Variants in ZNF561 observed in about 807,000 individuals in gnomAD.
ZNF561 encodes zinc finger protein 561.
In ZNF561, 16 loss-of-function variants were observed where a neutral mutation model predicts 16.7. The ratio of observed to expected loss-of-function variants is 0.96; its 90% CI spans 0.65 to 1.45. The LOEUF (loss-of-function observed/expected upper bound fraction) is 1.45, where lower values mean the gene tolerates loss of function less well. ZNF561 is among the 40% of genes most tolerant of loss of function. ZNF561 has a pLI of 0.00. For synonymous variants in ZNF561, 190 were observed against 192.1 expected, an observed-to-expected ratio of 0.99 and a Z score of 0.09; for missense variants, 580 against 578.0, an observed-to-expected ratio of 1.00 and a Z score of -0.04.
intron 1 of ZNF561, among the ~76,000 whole-genome samples, chr19:9,620,442 TCTCAAACTCCTGGG>T (rs2074650251): frequency 1.3e-5 from 2 of 152,112 alleles, no homozygotes; most frequent in South Asian, 4.1e-4. Flanking sequence ...CCTAGGCTAG[TCTCAAACTCCTGGG>T]CTCAAACAAT....
At chr19:9,619,863 T>TA (rs1216984980) in intron 1 of ZNF561, among the ~76,000 whole-genome samples, 1 of 23,648 alleles carries the variant, frequency 4.2e-5, no homozygotes, top group African/African-American at 7.3e-5. Context: ...CTATCTATAT[T>TA]TATCTATCTA....
At chr19:9,615,974 A>C (rs79095179) in intron 4 of ZNF561, among the ~76,000 whole-genome samples, 19,141 of 152,178 alleles carry the variant, frequency 0.13, 1,446 homozygotes, top group Admixed American at 0.23. Flanking sequence ...GATCTCAAAC[A>C]TGATAGTATA....
chr19:9,618,673 C>T (rs2074603136), intron 2 of ZNF561, among the ~76,000 whole-genome samples: 1 of 151,958 alleles, frequency 6.6e-6, no homozygotes, highest in African/African-American at 2.4e-5. Flanking sequence ...TTGCAGTGAG[C>T]CGAGATCGTG....
Position 9,610,944 on chromosome 19 carries a change from GTGTGAAGAAGC to G in ZNF561, c.706_716del (p.Ala236ProfsTer17). The stretch of plus-strand genomic sequence containing the variant: ...TATGAACTGCTACACACTGCTTTAG[GTGTGAAGAAGC>G]TGTGACAGCTCTCCCATATTCCTGA... On this transcript the variant is annotated frameshift_variant, in exon 6 of 6. Coordinates refer to ENST00000302851, the MANE Select transcript of ZNF561 (RefSeq NM_152289.3). LOFTEE classifies it low-confidence loss of function (END_TRUNC). 1 of 1,614,094 alleles carries G rather than the reference GTGTGAAGAAGC, an allele frequency of 6.2e-7. No homozygotes were observed. The highest frequency in any genetic ancestry group is 8.5e-7 in the Non-Finnish European group (1 of 1,180,022).
intron 1 of ZNF561, among the ~76,000 whole-genome samples, chr19:9,620,234 T>C (rs1474819020): frequency 6.6e-6 from 1 of 152,124 alleles, no homozygotes; most frequent in African/African-American, 2.4e-5. Context: ...GGATTTCAGG[T>C]ATGCACTACC....
chr19:9,619,514 A>C lies in ZNF561; in HGVS notation c.-58T>G, dbSNP rs752112130. 12 of 1,597,152 alleles carry C rather than the reference A, an allele frequency of 7.5e-6. No individual in the cohort carries two copies. Among genetic ancestry groups the C allele is most frequent in the South Asian group, 6.6e-5 (6 of 90,438 alleles). On this transcript the variant is annotated 5_prime_UTR_variant, in exon 2 of 6. Transcript: ENST00000302851. ...CCTTCCTTGATGCCAAGATCACCTCAGGCCAGCTTATGAATCTAGGTGGAT... is the reference window on the plus strand; with the variant it reads ...CCTTCCTTGATGCCAAGATCACCTCCGGCCAGCTTATGAATCTAGGTGGAT...
chr19:9,613,436 C>T lies in ZNF561; in HGVS notation c.324+585G>A, dbSNP rs544495944. ...TTTAGTAGAGATAAGAGTTTCATTA[C>T]ATTGGCCAGGCTGGTCTCGAAGTGC... On this transcript the variant is annotated intron_variant, in intron 5 of 5. Coordinates refer to ENST00000302851, the MANE Select transcript of ZNF561 (RefSeq NM_152289.3). Among the ~76,000 whole-genome samples the T allele has an allele frequency of 3.9e-5, 6 of 151,916 alleles. No individual in the cohort carries two copies. The South Asian group carries it at 1.0e-3, about 26-fold the overall frequency.
At chr19:9,619,877 C>CTACCTATCTATA (rs1555692352) in intron 1 of ZNF561, among the ~76,000 whole-genome samples, 1 of 148,766 alleles carries the variant, frequency 6.7e-6, no homozygotes, top group Non-Finnish European at 1.5e-5. Flanking sequence ...CTATCTATAT[C>CTACCTATCTATA]TATCTATCTA....
rs143389719 is a variant in ZNF561 at position 9,612,107 on chromosome 19, T to C, written c.325-771A>G. On this transcript the variant is annotated intron_variant, in intron 5 of 5. Transcript: ENST00000302851. ...CATGCCTGGCTAATTTTTGTAGTTT[T>C]AGTAGAGACAGGGTTTCACCATGTT... 1.9e-3 allele frequency among the ~76,000 whole-genome samples: 294 copies of C among 152,182 alleles called. 3 individuals carry two copies. Among genetic ancestry groups the C allele is most frequent in the Admixed American group, 6.3e-3 (96 of 15,302 alleles).
chr19:9,617,750 T>C lies in ZNF561; in HGVS notation c.114+341A>G, dbSNP rs750646581. On this transcript the variant is annotated intron_variant, in intron 3 of 5. Transcript: ENST00000302851. ...CTATGCAGCACACTCCTCAGCACAC[T>C]GCAGATACCTGATAAATGCTGATAA... 8.7e-5 allele frequency: 40 copies of C among 459,678 alleles called. No homozygotes were observed. The Admixed American group carries it at 9.1e-4, about 11-fold the overall frequency. The allele number at this position is 459,678 out of a possible 1,614,324, so 28.5% of individuals were successfully genotyped here. A position where few individuals can be genotyped will look rare whatever the true frequency, so the allele number is the denominator to read the frequency against.
At chr19:9,612,749 C>T (rs2074483863) in intron 5 of ZNF561, among the ~76,000 whole-genome samples, 1 of 152,178 alleles carries the variant, frequency 6.6e-6, no homozygotes, top group South Asian at 2.1e-4. Flanking sequence ...GAATTCTACG[C>T]CACTGGCTCT....
rs10417098 is a variant in ZNF561 at position 9,607,596 on chromosome 19, G to T, written c.*2604C>A. On this transcript the variant is annotated 3_prime_UTR_variant, in exon 6 of 6. Transcript: ENST00000302851. The stretch of plus-strand genomic sequence containing the variant: ...CAGCCAAGCCAATAAAATAGAGCAC[G>T]TATCTCAGCAGAACTGCAGACAATT... 1.3e-5 allele frequency: 2 copies of T among 152,074 alleles called. No individual in the cohort carries two copies. The highest frequency in any genetic ancestry group is 4.8e-5 in the African/African-American group (2 of 41,410). The allele number at this position is 152,074 out of a possible 1,614,324, so 9.4% of individuals were successfully genotyped here.
At chr19:9,618,311 A>C (rs1328942390) in intron 2 of ZNF561, 132 bp from the exon 3 acceptor site, 1 of 903,894 alleles carries the variant, frequency 1.1e-6, no homozygotes, top group Non-Finnish European at 1.6e-6. Context: ...TACACACACA[A>C]CACTTCCATG....
intron 2 of ZNF561, 34 bp downstream of exon 2, chr19:9,619,398 G>A: frequency 6.2e-7 from 1 of 1,610,608 alleles, no homozygotes; most frequent in Middle Eastern, 1.7e-4. Flanking sequence ...ACCTAAAGCA[G>A]AATCTCTGAA....
chr19:9,612,257 C>T (rs2074474086), intron 5 of ZNF561, among the ~76,000 whole-genome samples: 1 of 151,340 alleles, frequency 6.6e-6, no homozygotes, highest in Non-Finnish European at 1.5e-5. Context: ...GATGTAGTCT[C>T]ACTTTGGCTG....
At position 9,610,789 on chromosome 19, in the gene ZNF561, C is replaced by T. The variant is rs146348381; in HGVS notation, c.872G>A (p.Arg291Lys). 75 of 1,614,072 alleles carry T rather than the reference C, an allele frequency of 4.6e-5. No homozygotes were observed. In the African/African-American group the frequency reaches 9.1e-4, roughly 20 times the overall value. ...GTGATCATTAAGGCATGAGGAATTTCTAAAGGATCTTCCACATTCTTTACA... is the reference window on the plus strand; with the variant it reads ...GTGATCATTAAGGCATGAGGAATTTTTAAAGGATCTTCCACATTCTTTACA... ...FECKECGRSF[R>K]NSSCLNDHIQ... The change falls in exon 6 of 6, where the codon AGA (arginine) becomes AAA (lysine). Residue 291 changes from arginine to lysine, a missense_variant. Transcript: ENST00000302851.
At position 9,610,419 on chromosome 19, in the gene ZNF561, A is replaced by G; in HGVS notation, c.1242T>C (p.Thr414=). 2 of 1,612,364 alleles carry G rather than the reference A, an allele frequency of 1.2e-6. No homozygotes were observed. Among genetic ancestry groups the G allele is most frequent in the South Asian group, 1.1e-5 (1 of 91,070 alleles). Residue 414 remains threonine, a synonymous_variant, in exon 6 of 6, where the codon ACT becomes ACC. Transcript: ENST00000302851. The part of the protein sequence containing the change: ...TSSRRSKHLK[T]HSGEKPFVCK... ...ATACAAAGGGCTTTTCTCCACTATG[A>G]GTTTTCAAATGTTTACTACGACGGG...
At chr19:9,616,836 C>T (rs1453284170) in intron 4 of ZNF561, 15 of 472,874 alleles carry the variant, frequency 3.2e-5, no homozygotes, top group African/African-American at 1.6e-4. Flanking sequence ...CCTTGTGATC[C>T]GTCCACCTCA....
At chr19:9,613,553 C>G (rs367802907) in intron 5 of ZNF561, among the ~76,000 whole-genome samples, 6 of 152,046 alleles carry the variant, frequency 3.9e-5, no homozygotes, top group African/African-American at 1.4e-4. Flanking sequence ...GAGTCTCACT[C>G]GGTCAACCAG....
Sources: allele counts gnomAD v4.1 joint callset (sites outside exome capture counted in the v4.1 genomes callset), GRCh38; gene constraint gnomAD v4.1.1; transcripts MANE v1.5; gene names NCBI Gene and HGNC (gene_info 2026-07-23, HGNC 2026-07-21).